The following CCDC141 variants were observed in gnomAD, a reference collection of about 807,000 sequenced individuals.
CCDC141 encodes the protein coiled-coil domain containing 141, also known as coiled-coil domain-containing protein 141.
In CCDC141, 168 loss-of-function variants were observed where a neutral mutation model predicts 181.0. The observed-to-expected ratio is 0.93, with a 90% confidence interval of 0.82 to 1.05. The LOEUF (loss-of-function observed/expected upper bound fraction) is 1.05. Ranked by LOEUF, CCDC141 falls within the 50% of genes least tolerant of loss-of-function variation. The probability of loss-of-function intolerance (pLI) is 0.00; values close to 1 mark genes in which losing one functional copy is unlikely to be tolerated. For synonymous variants in CCDC141, 666 were observed against 642.3 expected, an observed-to-expected ratio of 1.04 and a Z score of -0.56; for missense variants, 1,902 against 1,788.5, an observed-to-expected ratio of 1.06 and a Z score of -1.14.
downstream of CCDC141, among the ~76,000 whole-genome samples, chr2:178,829,213 A>T (rs536234294): frequency 1.8e-4 from 28 of 152,370 alleles, no homozygotes; most frequent in Middle Eastern, 3.4e-3. Flanking sequence ...GAATACACAC[A>T]CATTCTTGTC....
At chr2:178,895,397 C>G (rs1342719987) in intron 8 of CCDC141, among the ~76,000 whole-genome samples, 1 of 152,162 alleles carries the variant, frequency 6.6e-6, no homozygotes, top group Non-Finnish European at 1.5e-5. Context: ...CAGCCTTCCT[C>G]TGGAGGTTCT....
At chr2:178,976,688 A>G (rs1324814971) in intron 3 of CCDC141, among the ~76,000 whole-genome samples, 1 of 152,206 alleles carries the variant, frequency 6.6e-6, no homozygotes, top group Non-Finnish European at 1.5e-5. Flanking sequence ...TTCATTTCTC[A>G]AAAACTCCTA....
At chr2:179,046,597 C>G (rs1481218435) in intron 2 of CCDC141, among the ~76,000 whole-genome samples, 1 of 152,134 alleles carries the variant, frequency 6.6e-6, no homozygotes, top group African/African-American at 2.4e-5. Context: ...CATGAAGGAG[C>G]CAGACATTAA....
At chr2:178,943,864 T>G (rs1445302383) in intron 6 of CCDC141, among the ~76,000 whole-genome samples, 2 of 152,176 alleles carry the variant, frequency 1.3e-5, no homozygotes, top group Admixed American at 1.3e-4. Context: ...CACTTCATGC[T>G]TGCATTTTAA....
intron 2 of CCDC141, among the ~76,000 whole-genome samples, chr2:178,988,245 C>G (rs1338385920): frequency 6.8e-6 from 1 of 147,424 alleles, no homozygotes; most frequent in African/African-American, 2.5e-5. Flanking sequence ...CGTATATTCT[C>G]ACTCATAGGT....
intron 17 of CCDC141, among the ~76,000 whole-genome samples, chr2:178,860,543 CTTTTTTTTTTTTTTTT>C (rs71023458): frequency 3.9e-5 from 2 of 51,354 alleles, no homozygotes; most frequent in Admixed American, 2.5e-4. Flanking sequence ...AAAAACAACA[CTTTTTTTTTTTTTTTT>C]TTTTTTTTTT....
At chr2:178,901,082 T>C (rs1358058904) in intron 8 of CCDC141, among the ~76,000 whole-genome samples, 6 of 152,058 alleles carry the variant, frequency 3.9e-5, no homozygotes, top group Non-Finnish European at 7.4e-5. Flanking sequence ...GTGGGCAGGG[T>C]ACCAGATAGG....
intron 2 of CCDC141, among the ~76,000 whole-genome samples, chr2:178,986,085 C>T (rs372223930): frequency 0.4 from 60,386 of 151,878 alleles, 13,908 homozygotes; most frequent in Non-Finnish European, 0.54. Context: ...ACTGGCAAAC[C>T]GAATCCAGCA....
At chr2:179,008,289 G>A (rs2042169295) in intron 2 of CCDC141, among the ~76,000 whole-genome samples, 1 of 152,136 alleles carries the variant, frequency 6.6e-6, no homozygotes, top group Non-Finnish European at 1.5e-5. Flanking sequence ...AATACTTGAG[G>A]AGCCTCCACC....
chr2:178,825,617 AC>A (rs1315207339), downstream of CCDC141: 2 of 57,498 alleles, frequency 3.5e-5, no homozygotes, highest in Non-Finnish European at 6.3e-5. Context: ...TCTGCCCCCC[AC>A]CCCCCACCCC....
At chr2:178,952,792 T>C (rs1167361910) in intron 5 of CCDC141, among the ~76,000 whole-genome samples, 2 of 152,234 alleles carry the variant, frequency 1.3e-5, no homozygotes. Context: ...AACGGTTTGA[T>C]ACCAGTGTCA....
downstream of CCDC141, among the ~76,000 whole-genome samples, chr2:178,826,943 T>C (rs12469367): frequency 0.32 from 48,696 of 151,864 alleles, 8,990 homozygotes; most frequent in Non-Finnish European, 0.42. Context: ...TTTCCTAAGG[T>C]GACAGCTTAG....
intron 22 of CCDC141, among the ~76,000 whole-genome samples, chr2:178,842,957 C>T (rs1431970970): frequency 6.6e-6 from 1 of 151,226 alleles, no homozygotes; most frequent in East Asian, 1.9e-4. Context: ...GCCGGGTGAT[C>T]AGGATTATTG....
intron 4 of CCDC141, among the ~76,000 whole-genome samples, chr2:178,971,914 G>A (rs1035581656): frequency 7.2e-5 from 11 of 151,988 alleles, no homozygotes; most frequent in South Asian, 2.1e-4. Context: ...ATCACACACC[G>A]GGGCCTGTCT....
In CCDC141 at chr2:178,834,089, G is replaced by A; in HGVS notation, c.*84C>T. On this transcript the variant is annotated 3_prime_UTR_variant, in exon 24 of 24. Transcript: ENST00000443758. ...ACTGGAGATACACTTGGTGGGAGATGCTTTGCAGGAGGTGCAGGAAGATAA... is the reference window on the plus strand; with the variant it reads ...ACTGGAGATACACTTGGTGGGAGATACTTTGCAGGAGGTGCAGGAAGATAA... 1 of 1,344,572 alleles carries A rather than the reference G, an allele frequency of 7.4e-7. No individual in the cohort carries two copies. Among genetic ancestry groups the A allele is most frequent in the Admixed American group, 2.0e-5 (1 of 49,014 alleles). 83.3% of individuals were successfully genotyped at this position (1,344,572 alleles called of 1,614,324 possible).
rs924143186 is a variant in CCDC141 at position 178,831,441 on chromosome 2, G to A, written c.*2732C>T. On this transcript the variant is annotated 3_prime_UTR_variant, in exon 24 of 24. Coordinates refer to ENST00000443758, the MANE Select transcript of CCDC141 (RefSeq NM_173648.4). Reference sequence around the variant, plus strand: ...CTGCTAGACAAATTCTAAAAGAGCTGTAACACATGTAATTTTTAAACTTTC... The same window carrying A: ...CTGCTAGACAAATTCTAAAAGAGCTATAACACATGTAATTTTTAAACTTTC... 1 of 152,176 alleles carries A rather than the reference G, an allele frequency of 6.6e-6. No homozygotes were observed. Among genetic ancestry groups the A allele is most frequent in the African/African-American group, 2.4e-5 (1 of 41,460 alleles). The allele number at this position is 152,176 out of a possible 1,614,324, so 9.4% of individuals were successfully genotyped here.
intron 1 of CCDC141, 146 bp from the exon 2 acceptor site, chr2:179,047,552 G>C (rs566387495): frequency 7.7e-6 from 5 of 648,580 alleles, no homozygotes; most frequent in African/African-American, 1.9e-5. Context: ...TCTTTCCATA[G>C]AGATGGGGTT....
intron 2 of CCDC141, among the ~76,000 whole-genome samples, chr2:179,020,124 A>T (rs1383534468): frequency 6.6e-6 from 1 of 152,204 alleles, no homozygotes; most frequent in African/African-American, 2.4e-5. Flanking sequence ...AGACTGTTAT[A>T]ACCGTCATGT....
At chr2:178,840,012 T>C (rs1684657364) in intron 22 of CCDC141, among the ~76,000 whole-genome samples, 1 of 152,230 alleles carries the variant, frequency 6.6e-6, no homozygotes, top group African/African-American at 2.4e-5. Context: ...GCCTTACTTG[T>C]GTTAAGAATA....
Sources: allele counts gnomAD v4.1 joint callset (sites outside exome capture counted in the v4.1 genomes callset), GRCh38; gene constraint gnomAD v4.1.1; transcripts MANE v1.5; gene names NCBI Gene and HGNC (gene_info 2026-07-23, HGNC 2026-07-21).